The following CAST variants were observed in gnomAD, a reference collection of about 807,000 sequenced individuals.
CAST encodes MIR583 host.
A neutral mutation model predicts 119.6 loss-of-function variants in CAST; 76 were observed. The ratio of observed to expected loss-of-function variants is 0.64; its 90% CI spans 0.53 to 0.77. The LOEUF (loss-of-function observed/expected upper bound fraction) is 0.77, where lower values mean the gene tolerates loss of function less well. CAST is among the 30% of genes least tolerant of loss of function. The pLI, the probability that CAST is intolerant of heterozygous loss-of-function variation, is 0.00. For missense variants in CAST, 953 were observed against 946.5 expected, an observed-to-expected ratio of 1.01 and a Z score of -0.09; for synonymous variants, 319 against 331.6, an observed-to-expected ratio of 0.96 and a Z score of 0.41.
intron 3 of CAST, among the ~76,000 whole-genome samples, chr5:96,707,251 C>T (rs1755172646): frequency 6.6e-6 from 1 of 152,238 alleles, no homozygotes; most frequent in African/African-American, 2.4e-5. Flanking sequence ...TGTTTTGTTG[C>T]CATTTGTTTT....
At chr5:96,575,843 A>G (rs955241615) in intron 1 of CAST, among the ~76,000 whole-genome samples, 1 of 151,948 alleles carries the variant, frequency 6.6e-6, no homozygotes, top group Non-Finnish European at 1.5e-5. Flanking sequence ...GGGTCACACT[A>G]TGTTGCCCAG....
chr5:96,448,604 T>G, the CAST span, among the ~76,000 whole-genome samples: 1 of 152,228 alleles, frequency 6.6e-6, no homozygotes, highest in African/African-American at 2.4e-5. Flanking sequence ...AATGTTTGAA[T>G]GTATTTCTGT....
chr5:96,716,026 C>T (rs1757130092), intron 3 of CAST, among the ~76,000 whole-genome samples: 1 of 152,154 alleles, frequency 6.6e-6, no homozygotes, highest in Admixed American at 6.5e-5. Flanking sequence ...CATTATTATA[C>T]TTAATAATTA....
the CAST span, among the ~76,000 whole-genome samples, chr5:96,059,064 G>A: frequency 6.6e-6 from 1 of 152,116 alleles, no homozygotes; most frequent in Non-Finnish European, 1.5e-5. Context: ...GCTTACAGAA[G>A]TAGCCCCTTT....
At chr5:96,127,045 A>G in the CAST span, among the ~76,000 whole-genome samples, 5 of 152,118 alleles carry the variant, frequency 3.3e-5, no homozygotes, top group Non-Finnish European at 5.9e-5. Flanking sequence ...TTCGTTGGCA[A>G]TGGTATTTGA....
chr5:96,184,857 T>C, the CAST span, among the ~76,000 whole-genome samples: 1 of 152,212 alleles, frequency 6.6e-6, no homozygotes, highest in African/African-American at 2.4e-5. Context: ...ATATATTCTT[T>C]TGGATATATA....
Position 96,757,478 on chromosome 5 carries a change from C to CT in CAST, c.1746dup (p.Lys583Ter). 6.2e-7 allele frequency: 1 copy of CT among 1,614,090 alleles called. No individual in the cohort carries two copies. Among genetic ancestry groups the CT allele is most frequent in the Non-Finnish European group, 8.5e-7 (1 of 1,179,958 alleles). On this transcript the variant is annotated frameshift_variant, in exon 23 of 32. Transcript: ENST00000675179. LOFTEE classifies it high-confidence loss of function. ...GGAAAGCCACTCCTGCCAAAAGAGT[C>CT]TAAGGAACAGCTTCCAGTAAGCAAA...
At chr5:96,213,083 C>T in the CAST span, among the ~76,000 whole-genome samples, 90 of 152,216 alleles carry the variant, frequency 5.9e-4, no homozygotes, top group African/African-American at 2.0e-3. Context: ...CATGCCACTG[C>T]ACTCCAGCCT....
intron 19 of CAST, among the ~76,000 whole-genome samples, chr5:96,749,561 T>C (rs1396088009): frequency 6.6e-6 from 1 of 152,204 alleles, no homozygotes; most frequent in Non-Finnish European, 1.5e-5. Context: ...TTTTGTTTTT[T>C]CTTGAGATAG....
rs112377565 is a variant in CAST, at chr5:96,549,079, A to G, written c.60+19199A>G. On this transcript the variant is annotated intron_variant, in intron 1 of 11. Transcript: ENST00000505143. ...ACTCTCTACTGGCAAGCGAAAATCT[A>G]CTAGCTTACAGGAGCCAGCTCCAGT... 4.8e-3 allele frequency among the ~76,000 whole-genome samples: 724 copies of G among 152,330 alleles called. 1 individual carries two copies. The highest frequency in any genetic ancestry group is 6.3e-3 in the Non-Finnish European group (426 of 68,024).
At chr5:96,347,824 G>A in the CAST span, among the ~76,000 whole-genome samples, 2 of 152,158 alleles carry the variant, frequency 1.3e-5, no homozygotes, top group East Asian at 3.9e-4. Flanking sequence ...TGGTAAAGAT[G>A]ATTTGAAGAG....
intron 4 of CAST, among the ~76,000 whole-genome samples, chr5:96,724,697 C>T (rs1183309315): frequency 6.6e-6 from 1 of 151,912 alleles, no homozygotes; most frequent in Non-Finnish European, 1.5e-5. Context: ...GTGGTTTACT[C>T]CTGTAGTCTC....
At chr5:96,096,324 AT>A in the CAST span, among the ~76,000 whole-genome samples, 1 of 152,232 alleles carries the variant, frequency 6.6e-6, no homozygotes, top group African/African-American at 2.4e-5. Context: ...CTTGTAAACA[AT>A]TGAGGACAAA....
the CAST span, among the ~76,000 whole-genome samples, chr5:96,512,852 A>G: frequency 1.3e-5 from 2 of 152,232 alleles, no homozygotes; most frequent in African/African-American, 4.8e-5. Context: ...ACCTTTTCAG[A>G]TATTAGGAAC....
At chr5:96,559,966 C>T (rs1366563133) in intron 1 of CAST, among the ~76,000 whole-genome samples, 11 of 152,180 alleles carry the variant, frequency 7.2e-5, no homozygotes, top group Non-Finnish European at 2.9e-5. Context: ...ACTTACAAGG[C>T]TACAGTAACC....
the CAST span, among the ~76,000 whole-genome samples, chr5:96,142,932 C>T: frequency 6.6e-6 from 1 of 152,098 alleles, no homozygotes; most frequent in African/African-American, 2.4e-5. Flanking sequence ...AAAGGAGGCC[C>T]ATTTCCAAGA....
chr5:96,682,322 G>T (rs1414835941), intron 2 of CAST, among the ~76,000 whole-genome samples: 1 of 152,130 alleles, frequency 6.6e-6, no homozygotes, highest in Admixed American at 6.5e-5. Flanking sequence ...TCTAAATTCT[G>T]CTCTTTGAAA....
intron 1 of CAST, among the ~76,000 whole-genome samples, chr5:96,578,095 C>T (rs1391309883): frequency 2.6e-5 from 4 of 151,914 alleles, no homozygotes; most frequent in African/African-American, 4.8e-5. Flanking sequence ...TGGTTCTTGC[C>T]ATGTGTATTT....
intron 1 of CAST, among the ~76,000 whole-genome samples, chr5:96,632,959 A>T (rs1197932880): frequency 6.6e-6 from 1 of 151,946 alleles, no homozygotes. Flanking sequence ...TCATTTTTTT[A>T]AAGTTTTTGG....
Sources: allele counts gnomAD v4.1 joint callset (sites outside exome capture counted in the v4.1 genomes callset), GRCh38; gene constraint gnomAD v4.1.1; transcripts MANE v1.5; gene names NCBI Gene and HGNC (gene_info 2026-07-23, HGNC 2026-07-21).